The following CMIP variants were observed in gnomAD, a reference collection of about 807,000 sequenced individuals.
CMIP encodes C-Maf-inducing protein.
A neutral mutation model predicts 97.3 loss-of-function variants in CMIP; 13 were observed. The observed-to-expected ratio is 0.13, with a 90% CI of 0.09 to 0.21. CMIP has a LOEUF of 0.21. Among genes scored for constraint, CMIP ranks in the 10% least tolerant of loss-of-function variants. The pLI, the probability that CMIP is intolerant of heterozygous loss-of-function variation, is 1.00. For synonymous variants in CMIP, 538 were observed against 436.3 expected (o/e 1.23, Z -2.91); for missense variants, 847 against 1,024.9 (o/e 0.83, Z 2.37).
chr16:81,596,614 A>G (rs2091561469), intron 1 of CMIP, among the ~76,000 whole-genome samples: 1 of 152,024 alleles, frequency 6.6e-6, no homozygotes, highest in Non-Finnish European at 1.5e-5. Context: ...ACCCTGTATC[A>G]CCAACAGCCA....
chr16:81,663,426 A>G (rs1405946474), intron 6 of CMIP, among the ~76,000 whole-genome samples: 6 of 152,206 alleles, frequency 3.9e-5, no homozygotes, highest in Non-Finnish European at 8.8e-5. Context: ...CATTCTGAAA[A>G]AAGCAAAACT....
chr16:81,503,743 A>G (rs2089654550), intron 1 of CMIP, among the ~76,000 whole-genome samples: 1 of 152,114 alleles, frequency 6.6e-6, no homozygotes, highest in African/African-American at 2.4e-5. Flanking sequence ...CTCACTGTGG[A>G]TGTCTAGAAG....
chr16:81,612,994 G>A (rs1348445286), intron 2 of CMIP, among the ~76,000 whole-genome samples: 1 of 152,228 alleles, frequency 6.6e-6, no homozygotes, highest in African/African-American at 2.4e-5. Context: ...TCCCCCAGCT[G>A]GAACGCAGCC....
At chr16:81,571,800 C>T (rs1300984620) in intron 1 of CMIP, among the ~76,000 whole-genome samples, 1 of 152,154 alleles carries the variant, frequency 6.6e-6, no homozygotes, top group African/African-American at 2.4e-5. Flanking sequence ...TGCGCGGGAG[C>T]CCTGCTTCCC....
At chr16:81,679,381 G>C (rs569945177) in intron 10 of CMIP, among the ~76,000 whole-genome samples, 2 of 152,240 alleles carry the variant, frequency 1.3e-5, no homozygotes, top group Non-Finnish European at 2.9e-5. Context: ...TGTAGGGTTA[G>C]AGAGCATGTG....
At chr16:81,500,256 G>GTCCT (rs879827008) in intron 1 of CMIP, among the ~76,000 whole-genome samples, 3,764 of 108,056 alleles carry the variant, frequency 0.035, 64 homozygotes, top group Non-Finnish European at 0.054. Flanking sequence ...CCTTCCTTCC[G>GTCCT]TCCTTCCTTC....
chr16:81,649,963 G>A lies in CMIP; in HGVS notation c.478-2240G>A, dbSNP rs890563028. 6.6e-5 allele frequency among the ~76,000 whole-genome samples: 10 copies of A among 152,186 alleles called. 1 individual carries two copies. The highest frequency in any genetic ancestry group is 3.9e-4 in the Admixed American group (6 of 15,266). ...TTGGGTTTTGCACAGATATTTCATC[G>A]TGCTATTCAGGCAGCGTGTCCTGCT... On this transcript the variant is annotated intron_variant, in intron 3 of 20. Coordinates refer to ENST00000537098, the MANE Select transcript of CMIP (RefSeq NM_198390.3).
At chr16:81,457,213 C>G (rs1486772905) in intron 1 of CMIP, among the ~76,000 whole-genome samples, 1 of 152,048 alleles carries the variant, frequency 6.6e-6, no homozygotes, top group Non-Finnish European at 1.5e-5. Context: ...GCTACCTTCC[C>G]CAGTTGGAGC....
In CMIP at chr16:81,652,829, G is replaced by A. The variant is rs974873493; in HGVS notation, c.639+465G>A. ...AAAAACAATCAGAAAATCCAGCCGC[G>A]GTTTGCAGCTGGTGCTACCTGATGC... On this transcript the variant is annotated intron_variant, in intron 4 of 20. Transcript: ENST00000537098. The surrounding 1 kb of genome is among the most constrained non-coding windows in gnomAD (Gnocchi z 5.2). 5.9e-5 allele frequency among the ~76,000 whole-genome samples: 9 copies of A among 152,300 alleles called. No homozygotes were observed. Among genetic ancestry groups the A allele is most frequent in the Admixed American group, 2.0e-4 (3 of 15,298 alleles).
intron 1 of CMIP, among the ~76,000 whole-genome samples, chr16:81,535,798 A>T (rs572791992): frequency 7.9e-5 from 12 of 151,814 alleles, no homozygotes; most frequent in Non-Finnish European, 1.3e-4. Flanking sequence ...GTCACCCCAG[A>T]CTCTGAACTG....
intron 1 of CMIP, among the ~76,000 whole-genome samples, chr16:81,479,656 T>C (rs1908140457): frequency 6.6e-6 from 1 of 152,132 alleles, no homozygotes; most frequent in South Asian, 2.1e-4. Context: ...TTTGTTGAGG[T>C]GAGATTTACA....
chr16:81,488,191 G>A (rs2089349386), intron 1 of CMIP, among the ~76,000 whole-genome samples: 3 of 152,064 alleles, frequency 2.0e-5, no homozygotes, highest in Admixed American at 2.0e-4. Flanking sequence ...GATTAGCTCC[G>A]TGACCGTAGC....
rs377609441 is a variant in CMIP, at chr16:81,445,320, G to A, written c.79G>A (p.Val27Met). The change falls in exon 1 of 21, where the codon GTG becomes ATG. Residue 27 changes from valine (V) to methionine (M), a missense_variant. Val to Met is a conservative substitution (Grantham distance 21). Coordinates refer to ENST00000537098, the MANE Select transcript of CMIP (RefSeq NM_198390.3). ...GACCAAGCCGCTGCTGGGGGGCGACGTGTCGGCCCCCGAAGGCACGAAGAT... is the reference window on the plus strand; with the variant it reads ...GACCAAGCCGCTGCTGGGGGGCGACATGTCGGCCCCCGAAGGCACGAAGAT... ...EETKPLLGGD[V>M]SAPEGTKMGA... 3 of 1,581,018 alleles carry A rather than the reference G, an allele frequency of 1.9e-6. No individual in the cohort carries two copies. Among genetic ancestry groups the A allele is most frequent in the Admixed American group, 1.8e-5 (1 of 54,842 alleles).
intron 1 of CMIP, among the ~76,000 whole-genome samples, chr16:81,471,945 T>C (rs2150747618): frequency 6.6e-6 from 1 of 152,320 alleles, no homozygotes; most frequent in Non-Finnish European, 1.5e-5. Context: ...CTAATCTTTT[T>C]AGACTGCGGT....
At chr16:81,630,407 G>A (rs1284679754) in intron 3 of CMIP, 1 of 152,342 alleles carries the variant, frequency 6.6e-6, no homozygotes, top group Non-Finnish European at 1.5e-5. Flanking sequence ...CTGAGGCAGA[G>A]CTCTTCTCAA....
rs1722067528 is a variant in CMIP, at chr16:81,444,849, A to G, written c.-393A>G. ...CCGCGCGGACACACGCTCTGTACAC[A>G]CGCGCGCGGCGGCGCGGGGCCCCGA... is the stretch of plus-strand genomic sequence containing the variant. On this transcript the variant is annotated 5_prime_UTR_variant, in exon 1 of 21. Transcript: ENST00000537098. 7.2e-6 allele frequency among the ~76,000 whole-genome samples: 1 copy of G among 138,960 alleles called. No individual in the cohort carries two copies. 91.2% of individuals were successfully genotyped at this position (138,960 alleles called of 152,430 possible).
chr16:81,710,231 GC>G lies in CMIP; in HGVS notation c.*438del, dbSNP rs1396620274. On this transcript the variant is annotated 3_prime_UTR_variant, in exon 21 of 21. Transcript: ENST00000537098. ...AGGCTCCGAGCTGAGCTGCGAACTC[GC>G]CCCCCGCCCTTGGGACAAGAAGACC... is the stretch of plus-strand genomic sequence containing the variant. The G allele has an allele frequency of 1.9e-5, 4 of 212,676 alleles. No homozygotes were observed. Among genetic ancestry groups the G allele is most frequent in the Non-Finnish European group, 2.9e-5 (3 of 103,504 alleles). 13.2% of individuals were successfully genotyped at this position (212,676 alleles called of 1,614,324 possible). A position where few individuals can be genotyped will look rare whatever the true frequency, so the allele number is the denominator to read the frequency against.
At chr16:81,685,456 T>C (rs1905279297) in intron 10 of CMIP, among the ~76,000 whole-genome samples, 1 of 152,216 alleles carries the variant, frequency 6.6e-6, no homozygotes, top group Non-Finnish European at 1.5e-5. Flanking sequence ...ATTCCTCTGA[T>C]TGTGGGTGAT....
At chr16:81,571,539 C>T (rs978830114) in intron 1 of CMIP, among the ~76,000 whole-genome samples, 4 of 136,586 alleles carry the variant, frequency 2.9e-5, no homozygotes, top group Admixed American at 1.6e-4. Flanking sequence ...GATGGGAGCC[C>T]AGGAGTTTGA....
Sources: allele counts gnomAD v4.1 joint callset (sites outside exome capture counted in the v4.1 genomes callset), GRCh38; gene constraint gnomAD v4.1.1; non-coding constraint Gnocchi (gnomAD v3.1); transcripts MANE v1.5; gene names NCBI Gene and HGNC (gene_info 2026-07-23, HGNC 2026-07-21).